Variants in NECAB1 observed in about 807,000 individuals in gnomAD.
The protein encoded by NECAB1 is N-terminal EF-hand calcium binding protein 1.
Under a neutral mutation model 57.5 loss-of-function variants are expected in NECAB1, and 29 were observed. That is an observed-to-expected ratio of 0.50 (90% CI 0.38 to 0.69). The LOEUF (loss-of-function observed/expected upper bound fraction) is 0.69, where lower values mean the gene tolerates loss of function less well. Ranked by LOEUF, NECAB1 falls within the 30% of genes least tolerant of loss-of-function variation. The probability of loss-of-function intolerance (pLI) is 0.00; values close to 1 mark genes in which losing one functional copy is unlikely to be tolerated. For missense variants in NECAB1, 372 were observed against 413.8 expected (o/e 0.90, Z 0.88); for synonymous variants, 142 against 147.7 (o/e 0.96, Z 0.28).
intron 2 of NECAB1, among the ~76,000 whole-genome samples, chr8:90,822,474 C>T (rs939402661): frequency 6.6e-6 from 1 of 151,864 alleles, no homozygotes; most frequent in South Asian, 2.1e-4. Flanking sequence ...ATACTTTCCA[C>T]CCTTCAAGCC....
intron 3 of NECAB1, among the ~76,000 whole-genome samples, chr8:90,863,673 T>C (rs1808453344): frequency 6.6e-6 from 1 of 152,182 alleles, no homozygotes; most frequent in African/African-American, 2.4e-5. Context: ...TGTTATTATA[T>C]TTAATACTTT....
At chr8:90,920,998 C>T (rs114014323) in intron 6 of NECAB1, among the ~76,000 whole-genome samples, 1,986 of 152,206 alleles carry the variant, frequency 0.013, 35 homozygotes, top group African/African-American at 0.045. Context: ...AAGATGCAAA[C>T]AAAAATTCAC....
intron 5 of NECAB1, among the ~76,000 whole-genome samples, chr8:90,911,794 A>G (rs1809837117): frequency 6.6e-6 from 1 of 152,168 alleles, no homozygotes; most frequent in Non-Finnish European, 1.5e-5. Flanking sequence ...GTTTGAGCCA[A>G]TGATCTGTCC....
At chr8:90,946,163 G>C (rs751852428) in intron 10 of NECAB1, among the ~76,000 whole-genome samples, 2 of 152,074 alleles carry the variant, frequency 1.3e-5, no homozygotes, top group Non-Finnish European at 2.9e-5. Context: ...GCCCCATATT[G>C]GTCTTTTTGG....
intron 2 of NECAB1, among the ~76,000 whole-genome samples, chr8:90,803,540 G>C: frequency 6.6e-6 from 1 of 152,168 alleles, no homozygotes; most frequent in South Asian, 2.1e-4. Flanking sequence ...ACAAAACAAT[G>C]CACATGATTC....
intron 2 of NECAB1, among the ~76,000 whole-genome samples, chr8:90,811,352 A>G (rs1811957726): frequency 6.6e-6 from 1 of 152,174 alleles, no homozygotes; most frequent in African/African-American, 2.4e-5. Context: ...TTCACAATGC[A>G]AGAGGCATCA....
intron 3 of NECAB1, among the ~76,000 whole-genome samples, chr8:90,848,172 T>A (rs1182646311): frequency 6.6e-6 from 1 of 152,124 alleles, no homozygotes; most frequent in Non-Finnish European, 1.5e-5. Context: ...ATTCCACATA[T>A]CTCTAGGGCA....
At chr8:90,937,820 C>A (rs1446139456) in intron 9 of NECAB1, among the ~76,000 whole-genome samples, 1 of 152,086 alleles carries the variant, frequency 6.6e-6, no homozygotes, top group African/African-American at 2.4e-5. Context: ...TTTTTTTCTG[C>A]CTCTCTACAC....
intron 12 of NECAB1, among the ~76,000 whole-genome samples, chr8:90,954,115 T>C (rs973961170): frequency 1.3e-5 from 2 of 150,480 alleles, no homozygotes; most frequent in Non-Finnish European, 3.0e-5. Context: ...AATAAATAAA[T>C]AGCTGCACAT....
chr8:90,914,315 A>G (rs1809900130), intron 5 of NECAB1, among the ~76,000 whole-genome samples: 1 of 152,214 alleles, frequency 6.6e-6, no homozygotes, highest in Non-Finnish European at 1.5e-5. Flanking sequence ...TGTCACAAAA[A>G]TACATAGAAG....
intron 9 of NECAB1, among the ~76,000 whole-genome samples, chr8:90,938,912 G>T (rs1299135679): frequency 6.6e-6 from 1 of 152,118 alleles, no homozygotes; most frequent in Non-Finnish European, 1.5e-5. Context: ...GTCTCACATG[G>T]GCTCCTTGTA....
At chr8:90,853,190 C>T (rs1381511982) in intron 3 of NECAB1, among the ~76,000 whole-genome samples, 1 of 152,226 alleles carries the variant, frequency 6.6e-6, no homozygotes, top group East Asian at 1.9e-4. Context: ...GGGTGGAGTG[C>T]AGCGGGTCTG....
intron 2 of NECAB1, among the ~76,000 whole-genome samples, chr8:90,822,075 G>A (rs1230689039): frequency 6.6e-6 from 1 of 151,780 alleles, no homozygotes; most frequent in Non-Finnish European, 1.5e-5. Context: ...TGAAAAAGCT[G>A]AAAAACCTGT....
Position 90,917,475 on chromosome 8 carries a change from T to C in NECAB1, c.358-17T>C. On this transcript the variant is annotated splice_polypyrimidine_tract_variant and intron_variant, in intron 5 of 12. Coordinates refer to ENST00000417640, the MANE Select transcript of NECAB1 (RefSeq NM_022351.5). ...TTTCTACCATACTTCTAATTGCATT[T>C]GTTTTGTCACCCTTAGGACTACCAA... is the stretch of plus-strand genomic sequence containing the variant. 6.4e-7 allele frequency: 1 copy of C among 1,573,702 alleles called. No homozygotes were observed. Among genetic ancestry groups the C allele is most frequent in the Non-Finnish European group, 8.6e-7 (1 of 1,163,600 alleles).
chr8:90,873,485 G>C (rs902225092), intron 4 of NECAB1, among the ~76,000 whole-genome samples: 2 of 152,196 alleles, frequency 1.3e-5, no homozygotes, highest in Non-Finnish European at 2.9e-5. Context: ...TGTGCACACA[G>C]TCCTGGTCAG....
At chr8:90,823,627 T>G (rs780354725) in intron 2 of NECAB1, among the ~76,000 whole-genome samples, 1 of 151,798 alleles carries the variant, frequency 6.6e-6, no homozygotes, top group East Asian at 1.9e-4. Context: ...CTAGAGGAGC[T>G]CTTTCTATTA....
At chr8:90,923,111 G>A (rs1810168759) in intron 6 of NECAB1, among the ~76,000 whole-genome samples, 1 of 152,142 alleles carries the variant, frequency 6.6e-6, no homozygotes, top group Non-Finnish European at 1.5e-5. Flanking sequence ...AAAAGCTCAA[G>A]ACTTGGCTGT....
chr8:90,834,249 T>G, intron 3 of NECAB1, among the ~76,000 whole-genome samples: 1 of 152,046 alleles, frequency 6.6e-6, no homozygotes, highest in East Asian at 1.9e-4. Flanking sequence ...CTGCTTACTT[T>G]TGAAGTGCAG....
chr8:90,942,090 A>T (rs1810683366), intron 10 of NECAB1, among the ~76,000 whole-genome samples: 1 of 152,198 alleles, frequency 6.6e-6, no homozygotes, highest in African/African-American at 2.4e-5. Context: ...CCCCAGCAGA[A>T]TATTTCTCTA....
Sources: gnomAD v4.1 joint callset for allele counts (sites outside exome capture counted in the v4.1 genomes callset) on GRCh38, gnomAD v4.1.1 for gene constraint, MANE v1.5 for transcripts, NCBI Gene and HGNC (gene_info 2026-07-23, HGNC 2026-07-21) for gene names.